CEP128: variants seen among roughly 807,000 people sequenced by gnomAD.
CEP128 encodes the protein centrosomal protein 128kDa.
In CEP128, 132 loss-of-function variants were observed where a neutral mutation model predicts 156.7. The ratio of observed to expected loss-of-function variants is 0.84; its 90% CI spans 0.73 to 0.97. The LOEUF (loss-of-function observed/expected upper bound fraction) is 0.97. Among genes scored for constraint, CEP128 ranks in the 50% least tolerant of loss-of-function variants. The pLI is 0.00. For synonymous variants in CEP128, 469 were observed against 448.9 expected (o/e 1.04, Z -0.57); for missense variants, 1,252 against 1,281.9 (o/e 0.98, Z 0.36).
At chr14:80,728,944 G>C (rs1288992380) in intron 19 of CEP128, among the ~76,000 whole-genome samples, 1 of 152,072 alleles carries the variant, frequency 6.6e-6, no homozygotes, top group African/African-American at 2.4e-5. Context: ...GAATCTGCAG[G>C]TTCACGCTGA....
intron 19 of CEP128, among the ~76,000 whole-genome samples, chr14:80,624,873 T>G (rs1445939003): frequency 6.6e-6 from 1 of 152,228 alleles, no homozygotes; most frequent in African/African-American, 2.4e-5. Context: ...AGATTATGTC[T>G]TCACTCTGTT....
At position 80,866,873 on chromosome 14, in the gene CEP128, T is replaced by C. The variant is rs531520459; in HGVS notation, c.646-4000A>G. Among the ~76,000 whole-genome samples, 11 of 152,286 alleles carry C rather than the reference T, an allele frequency of 7.2e-5. 1 individual carries two copies. Among genetic ancestry groups the C allele is most frequent in the Admixed American group, 6.5e-4 (10 of 15,286 alleles). On this transcript the variant is annotated intron_variant, in intron 8 of 24. Transcript: ENST00000555265. ...GCTACAAGAGAATACAGTAGTCCCATTTTACTCATGCAGGATACACTGCAC... is the reference window on the plus strand; with the variant it reads ...GCTACAAGAGAATACAGTAGTCCCACTTTACTCATGCAGGATACACTGCAC...
chr14:80,858,900 A>G (rs1170735748), intron 9 of CEP128, among the ~76,000 whole-genome samples: 11 of 151,908 alleles, frequency 7.2e-5, no homozygotes, highest in Admixed American at 2.0e-4. Flanking sequence ...GGAAACAACA[A>G]GTCCTGGAGA....
rs142499115 is a variant in CEP128 at position 80,684,809 on chromosome 14, G to T, written c.2806+58266C>A. Among the ~76,000 whole-genome samples the T allele has an allele frequency of 1.4e-3, 206 of 151,132 alleles. 2 individuals are homozygous for T. Among genetic ancestry groups the T allele is most frequent in the African/African-American group, 4.5e-3 (184 of 41,240 alleles). On this transcript the variant is annotated intron_variant, in intron 19 of 24. Transcript: ENST00000555265. The stretch of plus-strand genomic sequence containing the variant: ...AGGTTCGTTCAACATATGTAAATCA[G>T]TAAATGTTATTCACCACATAAACAA...
chr14:80,667,946 C>T (rs999311753), intron 19 of CEP128, among the ~76,000 whole-genome samples: 2 of 151,550 alleles, frequency 1.3e-5, no homozygotes, highest in Non-Finnish European at 2.9e-5. Context: ...AAATAGTATC[C>T]CGCCCAAAGT....
intron 19 of CEP128, among the ~76,000 whole-genome samples, chr14:80,678,843 AG>A (rs1896196478): frequency 1.3e-5 from 2 of 152,186 alleles, no homozygotes; most frequent in South Asian, 4.1e-4. Context: ...TGTTGTGGGA[AG>A]TCAGGGACCC....
intron 2 of CEP128, among the ~76,000 whole-genome samples, chr14:80,928,494 C>T (rs1163518268): frequency 6.6e-6 from 1 of 151,988 alleles, no homozygotes; most frequent in Non-Finnish European, 1.5e-5. Flanking sequence ...TAGGGAACTA[C>T]AAAATGCAGC....
At chr14:80,672,738 A>G (rs1177111481) in intron 19 of CEP128, among the ~76,000 whole-genome samples, 1 of 152,200 alleles carries the variant, frequency 6.6e-6, no homozygotes, top group East Asian at 1.9e-4. Context: ...TTGTTTCATC[A>G]GAACAGCCTG....
At chr14:80,501,033 C>CTT (rs547750916) in intron 24 of CEP128, among the ~76,000 whole-genome samples, 58 of 144,094 alleles carry the variant, frequency 4.0e-4, no homozygotes, top group Non-Finnish European at 7.3e-4. Context: ...CACTAGTAGT[C>CTT]TTTTTTTTTT....
Position 80,769,603 on chromosome 14 carries a change from T to C in CEP128, c.2377-7990A>G, listed in dbSNP as rs545595340. On this transcript the variant is annotated intron_variant, in intron 16 of 24. Transcript: ENST00000555265. ...ACATGAACTCATCCTTTTTTACGGC[T>C]GCATAGTATTCCATGGTGTATATGT... is the stretch of plus-strand genomic sequence containing the variant. 2.2e-4 allele frequency among the ~76,000 whole-genome samples: 34 copies of C among 152,334 alleles called. No individual in the cohort carries two copies. The East Asian group carries it at 6.4e-3, about 28-fold the overall frequency.
At chr14:80,712,996 A>G (rs1403321080) in intron 19 of CEP128, among the ~76,000 whole-genome samples, 1 of 152,184 alleles carries the variant, frequency 6.6e-6, no homozygotes, top group Non-Finnish European at 1.5e-5. Context: ...TCTGGAAAAG[A>G]AAAACCAAAA....
intron 19 of CEP128, among the ~76,000 whole-genome samples, chr14:80,732,471 G>GGTGTGTGT (rs10672093): frequency 0.048 from 6,123 of 127,592 alleles, 220 homozygotes; most frequent in African/African-American, 0.084. Flanking sequence ...TGATTAAGCA[G>GGTGTGTGT]GTGTGTGTGT....
chr14:80,513,372 T>G (rs1293304906), intron 23 of CEP128, among the ~76,000 whole-genome samples: 1 of 152,204 alleles, frequency 6.6e-6, no homozygotes, highest in African/African-American at 2.4e-5. Context: ...TGTTATTTGT[T>G]TATTTAATCT....
intron 9 of CEP128, among the ~76,000 whole-genome samples, chr14:80,855,779 G>C (rs1887122053): frequency 6.6e-6 from 1 of 152,152 alleles, no homozygotes; most frequent in African/African-American, 2.4e-5. Context: ...ATATTTGCCT[G>C]ACTAGGTTCT....
At chr14:80,713,787 A>G (rs1451569003) in intron 19 of CEP128, among the ~76,000 whole-genome samples, 9 of 152,228 alleles carry the variant, frequency 5.9e-5, no homozygotes, top group Non-Finnish European at 1.3e-4. Flanking sequence ...AAGGTTGGAA[A>G]CAAAGATAGT....
intron 19 of CEP128, among the ~76,000 whole-genome samples, chr14:80,590,821 C>CT (rs1414886949): frequency 6.6e-6 from 1 of 152,088 alleles, no homozygotes; most frequent in Non-Finnish European, 1.5e-5. Flanking sequence ...GGCAGAAACC[C>CT]TACAAGCCAG....
intron 19 of CEP128, among the ~76,000 whole-genome samples, chr14:80,670,868 T>C (rs150918400): frequency 1.3e-5 from 2 of 152,342 alleles, no homozygotes; most frequent in East Asian, 1.9e-4. Flanking sequence ...AAATAAGTCA[T>C]GGAATGTAAG....
chr14:80,649,664 G>C (rs1215520154), intron 19 of CEP128, among the ~76,000 whole-genome samples: 3 of 152,012 alleles, frequency 2.0e-5, no homozygotes, highest in Non-Finnish European at 4.4e-5. Context: ...TGCATTTTAA[G>C]AAGTCCCCCA....
rs557432238 is a variant in CEP128, at chr14:80,531,096, T to C, written c.2881-210A>G. ...ATTTCCTTTTAAAAAGTATATGAGA[T>C]GCATTTGCAAGACTGACTCAGATAC... On this transcript the variant is annotated intron_variant, in intron 21 of 24. Coordinates refer to ENST00000555265, the MANE Select transcript of CEP128 (RefSeq NM_152446.5). 1.8e-5 allele frequency: 5 copies of C among 278,194 alleles called. No individual in the cohort carries two copies. In the South Asian group the frequency reaches 6.0e-4, roughly 33 times the overall value. The allele number at this position is 278,194 out of a possible 1,614,324, so 17.2% of individuals were successfully genotyped here.
Sources: allele counts gnomAD v4.1 joint callset (sites outside exome capture counted in the v4.1 genomes callset), GRCh38; gene constraint gnomAD v4.1.1; transcripts MANE v1.5; gene names NCBI Gene and HGNC (gene_info 2026-07-23, HGNC 2026-07-21).